Variants in GSE1 observed in about 807,000 individuals in gnomAD.
The protein encoded by GSE1 is genetic suppressor element 1.
A neutral mutation model predicts 112.6 loss-of-function variants in GSE1; 32 were observed. The ratio of observed to expected loss-of-function variants is 0.28; its 90% confidence interval spans 0.21 to 0.38. GSE1 has a LOEUF of 0.38. Among genes scored for constraint, GSE1 ranks in the 10% least tolerant of loss-of-function variants. GSE1 has a pLI of 1.00. For synonymous variants in GSE1, 1,115 were observed against 735.6 expected, an observed-to-expected ratio of 1.52 and a Z score of -8.35; for missense variants, 2,348 against 1,699.2, an observed-to-expected ratio of 1.38 and a Z score of -6.71.
chr16:85,546,460 T>C (rs1311688687), intron 2 of GSE1, among the ~76,000 whole-genome samples: 1 of 152,122 alleles, frequency 6.6e-6, no homozygotes, highest in Non-Finnish European at 1.5e-5. Context: ...ATATTAGAAG[T>C]TGTACAGTAG....
At chr16:85,365,116 C>T (rs2047160052) in intron 2 of GSE1, among the ~76,000 whole-genome samples, 1 of 152,204 alleles carries the variant, frequency 6.6e-6, no homozygotes, top group South Asian at 2.1e-4. Flanking sequence ...AAGCCCCTTA[C>T]TTCTGGAGAG....
At chr16:85,453,901 G>A (rs1597802551) in intron 2 of GSE1, among the ~76,000 whole-genome samples, 1 of 152,170 alleles carries the variant, frequency 6.6e-6, no homozygotes, top group East Asian at 1.9e-4. Flanking sequence ...GGCTGGATGA[G>A]CTCCTCCAGG....
chr16:85,656,199 G>A (rs2051913819), intron 6 of GSE1, 144 bp from the exon 7 acceptor site: 1 of 1,023,860 alleles, frequency 9.8e-7, no homozygotes, highest in East Asian at 2.4e-5. Context: ...AGTTCTTCCT[G>A]CACCAGTGAA....
At chr16:85,272,240 C>T (rs566034898) in intron 1 of GSE1, among the ~76,000 whole-genome samples, 1 of 152,364 alleles carries the variant, frequency 6.6e-6, no homozygotes, top group East Asian at 1.9e-4. Flanking sequence ...ATAGGGGCCC[C>T]TGTCTTTGGC....
intron 1 of GSE1, among the ~76,000 whole-genome samples, chr16:85,298,827 C>T (rs916322108): frequency 1.3e-5 from 2 of 152,260 alleles, no homozygotes; most frequent in African/African-American, 4.8e-5. Context: ...AGGGGCACTC[C>T]GCTGCAGATG....
At chr16:85,475,522 A>G (rs1032710131) in intron 2 of GSE1, among the ~76,000 whole-genome samples, 14 of 152,242 alleles carry the variant, frequency 9.2e-5, no homozygotes, top group African/African-American at 3.1e-4. Flanking sequence ...TAATTGTGCC[A>G]AAGAGTGATG....
chr16:85,358,173 A>C (rs542611426), intron 2 of GSE1, among the ~76,000 whole-genome samples: 2 of 152,206 alleles, frequency 1.3e-5, no homozygotes, highest in African/African-American at 4.8e-5. Context: ...GCATCCTCAG[A>C]CACATCCTAA....
At chr16:85,297,662 C>A (rs903491064) in intron 1 of GSE1, among the ~76,000 whole-genome samples, 1 of 152,088 alleles carries the variant, frequency 6.6e-6, no homozygotes, top group African/African-American at 2.4e-5. Flanking sequence ...ACCCAAAGTG[C>A]CTGGCTAATT....
At chr16:85,490,660 C>G (rs1299723733) in intron 2 of GSE1, 1 of 152,242 alleles carries the variant, frequency 6.6e-6, no homozygotes, top group Admixed American at 6.5e-5. Flanking sequence ...GCTGCCCCGA[C>G]TTTGATCCCA....
At chr16:85,552,585 G>A (rs2044980040), upstream of GSE1, among the ~76,000 whole-genome samples, 1 of 151,854 alleles carries the variant, frequency 6.6e-6, no homozygotes, top group South Asian at 2.1e-4. Flanking sequence ...GTCCGTCTCG[G>A]CCTCCCAAAG....
intron 2 of GSE1, among the ~76,000 whole-genome samples, chr16:85,367,864 T>TTTTC (rs398030074): frequency 6.6e-6 from 1 of 150,754 alleles, no homozygotes; most frequent in South Asian, 2.1e-4. Flanking sequence ...TTTTTTTTTT[T>TTTTC]CCGAGATGGA....
intron 1 of GSE1, among the ~76,000 whole-genome samples, chr16:85,281,536 CT>C (rs2044858620): frequency 6.6e-6 from 1 of 152,180 alleles, no homozygotes. Context: ...TAACCTGCCT[CT>C]TAATTAGTTG....
intron 1 of GSE1, among the ~76,000 whole-genome samples, chr16:85,208,966 G>A (rs991990364): frequency 6.6e-6 from 1 of 151,292 alleles, no homozygotes; most frequent in African/African-American, 2.4e-5. Flanking sequence ...GGGTTCGCCT[G>A]TGTTGGGGTT....
intron 2 of GSE1, among the ~76,000 whole-genome samples, chr16:85,399,676 A>G (rs2048049423): frequency 6.6e-6 from 1 of 152,224 alleles, no homozygotes; most frequent in South Asian, 2.1e-4. Context: ...ACTGTGTGCC[A>G]ATCACTGCCG....
chr16:85,196,718 C>T (rs2074934450), intron 1 of GSE1, among the ~76,000 whole-genome samples: 1 of 152,154 alleles, frequency 6.6e-6, no homozygotes, highest in Admixed American at 6.5e-5. Context: ...TCCTTCTTTG[C>T]CAAGGCTCCC....
At chr16:85,297,238 G>A (rs1266623081) in intron 1 of GSE1, among the ~76,000 whole-genome samples, 5 of 152,238 alleles carry the variant, frequency 3.3e-5, no homozygotes, top group Non-Finnish European at 7.3e-5. Context: ...CAGAAGCTGG[G>A]CCACCAGGTC....
At chr16:85,364,379 G>A (rs1284931136) in intron 2 of GSE1, among the ~76,000 whole-genome samples, 1 of 152,214 alleles carries the variant, frequency 6.6e-6, no homozygotes, top group Admixed American at 6.5e-5. Flanking sequence ...CAGCTGGTTA[G>A]CAACCTTAAT....
chr16:85,607,731 C>T (rs1341811403), upstream of GSE1, among the ~76,000 whole-genome samples: 1 of 152,224 alleles, frequency 6.6e-6, no homozygotes, highest in East Asian at 1.9e-4. Context: ...CGCTGCTTTC[C>T]CCTCTCTCCC....
At chr16:85,283,218 C>G (rs923999803) in intron 1 of GSE1, 1 of 152,920 alleles carries the variant, frequency 6.5e-6, no homozygotes, top group Non-Finnish European at 1.5e-5. Context: ...CCCGGCCACA[C>G]AGGTTCCTGC....
Sources: allele counts gnomAD v4.1 joint callset (sites outside exome capture counted in the v4.1 genomes callset), GRCh38; gene constraint gnomAD v4.1.1; transcripts MANE v1.5; gene names NCBI Gene and HGNC (gene_info 2026-07-23, HGNC 2026-07-21).